The following JAKMIP3 variants were observed in gnomAD, a reference collection of about 807,000 sequenced individuals.
JAKMIP3 encodes janus kinase and microtubule-interacting protein 3.
JAKMIP3 carries 58 observed loss-of-function variants against 118.5 expected under a neutral mutation model. The ratio of observed to expected loss-of-function variants is 0.49; its 90% confidence interval spans 0.40 to 0.61. The LOEUF (loss-of-function observed/expected upper bound fraction) is 0.61. Among genes scored for constraint, JAKMIP3 ranks in the 20% least tolerant of loss-of-function variants. JAKMIP3 has a pLI of 0.00. For missense variants in JAKMIP3, 950 were observed against 1,109.0 expected (o/e 0.86, Z 2.04); for synonymous variants, 486 against 451.2 (o/e 1.08, Z -0.98).
At chr10:132,128,178 C>A (rs990704036) in intron 3 of JAKMIP3, among the ~76,000 whole-genome samples, 20 of 152,340 alleles carry the variant, frequency 1.3e-4, no homozygotes, top group African/African-American at 4.6e-4. Context: ...ATTCATTGAA[C>A]CTGGAACTCT....
At chr10:132,095,412 C>T (rs759882725) in intron 1 of JAKMIP3, among the ~76,000 whole-genome samples, 6 of 152,194 alleles carry the variant, frequency 3.9e-5, no homozygotes, top group Admixed American at 6.5e-5. Flanking sequence ...CTGCTTCCTC[C>T]GCCCCTGTAT....
chr10:132,108,007 C>T (rs762420571), intron 2 of JAKMIP3, among the ~76,000 whole-genome samples: 15 of 152,332 alleles, frequency 9.8e-5, no homozygotes, highest in South Asian at 4.1e-4. Context: ...GAGTTGGGTC[C>T]GGGCAGAGTC....
chr10:132,106,507 C>T (rs11146183), intron 2 of JAKMIP3, among the ~76,000 whole-genome samples: 19,163 of 152,172 alleles, frequency 0.13, 1,583 homozygotes, highest in Non-Finnish European at 0.18. Flanking sequence ...ATGAACACAG[C>T]CTGTGGCCTG....
chr10:132,101,354 A>T (rs867941450), intron 1 of JAKMIP3, among the ~76,000 whole-genome samples: 3 of 152,092 alleles, frequency 2.0e-5, no homozygotes, highest in African/African-American at 7.2e-5. Flanking sequence ...CGACCCCCCA[A>T]CCCCACCACT....
At position 132,153,781 on chromosome 10, in the gene JAKMIP3, C is replaced by A. The variant is rs1197918549; in HGVS notation, c.2096C>A (p.Thr699Lys). The change falls in exon 18 of 24, where the codon ACA becomes AAA. Residue 699 changes from threonine to lysine, a missense_variant. Physicochemically the swap from Thr to Lys is moderately conservative, Grantham distance 78 (BLOSUM62 -1). Coordinates refer to ENST00000684848, the MANE Select transcript of JAKMIP3 (RefSeq NM_001323087.2). The part of the protein sequence containing the change: ...AEKWLQQIEE[T>K]EAALQRKMVD... ...CAGTGGCTCCAGCAGATTGAGGAGA[C>A]AGAGGCGGCGCTGCAGCGGAAGATG... The A allele has an allele frequency of 6.2e-7, 1 of 1,613,058 alleles. No homozygotes were observed. Among genetic ancestry groups the A allele is most frequent in the South Asian group, 1.1e-5 (1 of 91,062 alleles).
Position 132,177,968 on chromosome 10 carries a change from GC to G in JAKMIP3, c.*1104-4388del, listed in dbSNP as rs149818056. Among the ~76,000 whole-genome samples the G allele has an allele frequency of 1.5e-3, 220 of 151,402 alleles. 1 individual carries two copies. Among genetic ancestry groups the G allele is most frequent in the African/African-American group, 5.0e-3 (204 of 41,132 alleles). On this transcript the variant is annotated intron_variant, in intron 23 of 23. Transcript: ENST00000684848. ...CCCTGGGTAGTGTGCGTGTATGTGT[GC>G]ACCTGCTCTTGTGCCCTGGGTAGTG...
At chr10:132,127,409 T>TGC (rs1018701661) in intron 3 of JAKMIP3, among the ~76,000 whole-genome samples, 2 of 150,976 alleles carry the variant, frequency 1.3e-5, no homozygotes, top group Non-Finnish European at 3.0e-5. Flanking sequence ...TGTGTGTGTG[T>TGC]GTGTGTGTGC....
chr10:132,048,496 A>C (rs1334479647), intron 1 of JAKMIP3, among the ~76,000 whole-genome samples: 5 of 152,164 alleles, frequency 3.3e-5, no homozygotes, highest in Non-Finnish European at 7.3e-5. Context: ...GGTAATGACA[A>C]TATTTGTTTT....
chr10:132,162,268 A>G (rs1278787083), intron 19 of JAKMIP3, among the ~76,000 whole-genome samples: 1 of 152,352 alleles, frequency 6.6e-6, no homozygotes, highest in East Asian at 1.9e-4. Context: ...TGCCGAAGGC[A>G]GGGAGGCTCA....
Position 132,117,044 on chromosome 10 carries a change from C to A in JAKMIP3, c.136-33C>A, listed in dbSNP as rs376024153. 1.2e-5 allele frequency: 19 copies of A among 1,577,176 alleles called. No individual in the cohort carries two copies. The highest frequency in any genetic ancestry group is 1.6e-5 in the Non-Finnish European group (18 of 1,158,098). On this transcript the variant is annotated intron_variant, in intron 2 of 23. Coordinates refer to ENST00000684848, the MANE Select transcript of JAKMIP3 (RefSeq NM_001323087.2). This position sits in a 1 kb window ranked among gnomAD's most constrained non-coding sequence, Gnocchi z 8.6. ...TGTGAGTGTGTGCATGGCTGGAGCTCCTGCCACACTCAGTCTCGCTGTTGT... is the reference window on the plus strand; with the variant it reads ...TGTGAGTGTGTGCATGGCTGGAGCTACTGCCACACTCAGTCTCGCTGTTGT...
At chr10:132,152,094 G>A (rs944806894) in intron 16 of JAKMIP3, among the ~76,000 whole-genome samples, 4 of 152,250 alleles carry the variant, frequency 2.6e-5, no homozygotes, top group African/African-American at 9.6e-5. Flanking sequence ...GGGCAGGAGA[G>A]ATGAGGGCAC....
At chr10:132,054,176 T>C (rs912419817) in intron 1 of JAKMIP3, among the ~76,000 whole-genome samples, 3 of 151,792 alleles carry the variant, frequency 2.0e-5, no homozygotes, top group East Asian at 3.9e-4. Flanking sequence ...GAAGAGGACA[T>C]GGAATGAGGC....
chr10:132,121,792 C>G (rs1270735372), intron 3 of JAKMIP3, among the ~76,000 whole-genome samples: 1 of 152,166 alleles, frequency 6.6e-6, no homozygotes, highest in Non-Finnish European at 1.5e-5. Context: ...GGCCACAACC[C>G]CAGCAAGGAT....
At chr10:132,042,451 G>C (rs1194006907) in intron 1 of JAKMIP3, among the ~76,000 whole-genome samples, 1 of 152,108 alleles carries the variant, frequency 6.6e-6, no homozygotes, top group Non-Finnish European at 1.5e-5. Context: ...CAAATGATCT[G>C]CCTGCCTCGA....
Position 132,169,475 on chromosome 10 carries a change from C to CAGGG in JAKMIP3, c.*1103+454_*1103+457dup, listed in dbSNP as rs1021132572. On this transcript the variant is annotated intron_variant, in intron 23 of 23. Transcript: ENST00000684848. ...GGGAGGCGACTCTGGGTGCTCCCAGCAGGGAGGGAGGGAGGTCAGGACTCT... is the reference window on the plus strand; with the variant it reads ...GGGAGGCGACTCTGGGTGCTCCCAGCAGGGAGGGAGGGAGGGAGGTCAGGACTCT... Among the ~76,000 whole-genome samples the CAGGG allele has an allele frequency of 2.0e-4, 30 of 152,204 alleles. 1 individual carries two copies. The highest frequency in any genetic ancestry group is 2.0e-3 in the Admixed American group (30 of 15,292).
intron 1 of JAKMIP3, among the ~76,000 whole-genome samples, chr10:132,037,090 A>G (rs908548018): frequency 1.3e-5 from 2 of 152,102 alleles, no homozygotes; most frequent in African/African-American, 4.8e-5. Flanking sequence ...GCGCCGTGCG[A>G]TTATTTTTAT....
intron 6 of JAKMIP3, among the ~76,000 whole-genome samples, chr10:132,136,559 G>A (rs2051830491): frequency 6.6e-6 from 1 of 152,234 alleles, no homozygotes; most frequent in Admixed American, 6.5e-5. Flanking sequence ...GACCCCAAAG[G>A]CCATGAAGCC....
chr10:132,084,833 A>C (rs1226373240), intron 1 of JAKMIP3, among the ~76,000 whole-genome samples: 3 of 152,200 alleles, frequency 2.0e-5, no homozygotes, highest in African/African-American at 7.2e-5. Flanking sequence ...TAAGATGATC[A>C]TGTGATTTTT....
intron 19 of JAKMIP3, among the ~76,000 whole-genome samples, chr10:132,157,950 GAAA>G (rs1040681334): frequency 6.8e-6 from 1 of 146,632 alleles, no homozygotes; most frequent in East Asian, 2.0e-4. Context: ...ACTTCGTACA[GAAA>G]AAAAAAAGAG....
Sources: gnomAD v4.1 joint callset for allele counts (sites outside exome capture counted in the v4.1 genomes callset) on GRCh38, gnomAD v4.1.1 for gene constraint, Gnocchi (gnomAD v3.1) non-coding constraint, MANE v1.5 for transcripts, NCBI Gene and HGNC (gene_info 2026-07-23, HGNC 2026-07-21) for gene names.